The following SEC23A variants were observed in gnomAD, a reference collection of about 807,000 sequenced individuals.
SEC23A encodes protein transport protein Sec23A.
SEC23A carries 56 observed loss-of-function variants against 103.7 expected under a neutral mutation model. That is an observed-to-expected ratio of 0.54 (90% CI 0.44 to 0.67). SEC23A has a LOEUF of 0.67. Ranked by LOEUF, SEC23A falls within the 30% of genes least tolerant of loss-of-function variation. The pLI, the probability that SEC23A is intolerant of heterozygous loss-of-function variation, is 0.00. For missense variants in SEC23A, 784 were observed against 936.4 expected, an observed-to-expected ratio of 0.84 and a Z score of 2.12; for synonymous variants, 281 against 293.0, an observed-to-expected ratio of 0.96 and a Z score of 0.42.
chr14:39,069,256 T>C (rs1266253879), intron 9 of SEC23A, among the ~76,000 whole-genome samples: 1 of 152,160 alleles, frequency 6.6e-6, no homozygotes. Flanking sequence ...AAATGACAAA[T>C]GAATTCAGCG....
chr14:39,035,870 C>G (rs2139177510), intron 19 of SEC23A, among the ~76,000 whole-genome samples: 1 of 152,262 alleles, frequency 6.6e-6, no homozygotes, highest in South Asian at 2.1e-4. Flanking sequence ...GGATATTACA[C>G]AAATTCAATC....
intron 12 of SEC23A, among the ~76,000 whole-genome samples, chr14:39,063,080 TA>T (rs1886533521): frequency 6.6e-6 from 1 of 152,172 alleles, no homozygotes; most frequent in African/African-American, 2.4e-5. Context: ...GAAAACAGAC[TA>T]AAAGTTGGGC....
intron 8 of SEC23A, 44 bp from the exon 9 acceptor site, chr14:39,074,574 T>G: frequency 8.0e-7 from 1 of 1,248,522 alleles, no homozygotes; most frequent in Non-Finnish European, 1.2e-6. Context: ...AAAATTGTCC[T>G]ATAAATCTTT....
intron 7 of SEC23A, among the ~76,000 whole-genome samples, chr14:39,084,262 G>C (rs1179187192): frequency 6.6e-6 from 1 of 150,680 alleles, no homozygotes; most frequent in Admixed American, 6.6e-5. Flanking sequence ...TCCTGACCTC[G>C]TGATCCACCC....
chr14:39,048,093 T>C (rs1248287496), intron 15 of SEC23A, among the ~76,000 whole-genome samples: 2 of 152,188 alleles, frequency 1.3e-5, no homozygotes, highest in Non-Finnish European at 2.9e-5. Flanking sequence ...CAGCCTTACA[T>C]GTAATTCTAC....
At chr14:39,059,278 TAAAAA>T (rs750853379) in intron 13 of SEC23A, among the ~76,000 whole-genome samples, 141 of 71,794 alleles carry the variant, frequency 2.0e-3, no homozygotes, top group Admixed American at 0.011. Flanking sequence ...AGTCCTAGTT[TAAAAA>T]AAAAAAAAAA....
chr14:39,040,410 A>C (rs1462984435), intron 18 of SEC23A: 1 of 262,612 alleles, frequency 3.8e-6, no homozygotes, highest in African/African-American at 2.2e-5. Context: ...CTTTAAGAAA[A>C]GTATATTACT....
At chr14:39,077,556 G>A (rs1296894729) in intron 7 of SEC23A, among the ~76,000 whole-genome samples, 1 of 150,982 alleles carries the variant, frequency 6.6e-6, no homozygotes, top group East Asian at 2.0e-4. Flanking sequence ...AAGAAAGAAA[G>A]AGAAAGAGAG....
chr14:39,039,106 AAAG>A lies in SEC23A; in HGVS notation c.2143-13_2143-11del. On this transcript the variant is annotated splice_polypyrimidine_tract_variant and intron_variant, in intron 18 of 19. Transcript: ENST00000307712. ...AAAGGAGGAAACGGGCCTTAAAAGC[AAAG>A]AAGAAATAACATTATCCATCAAAAA... is the stretch of plus-strand genomic sequence containing the variant. 1.2e-6 allele frequency: 2 copies of A among 1,611,134 alleles called. No individual in the cohort carries two copies. Among genetic ancestry groups the A allele is most frequent in the Non-Finnish European group, 1.7e-6 (2 of 1,177,426 alleles).
At chr14:39,085,009 T>G (rs1887380862) in intron 7 of SEC23A, among the ~76,000 whole-genome samples, 1 of 152,116 alleles carries the variant, frequency 6.6e-6, no homozygotes, top group Non-Finnish European at 1.5e-5. Flanking sequence ...CTAGATAGCT[T>G]CAAGATGGGG....
At chr14:39,040,912 T>A (rs1194738835) in intron 17 of SEC23A, 25 bp from the exon 18 acceptor site, 3 of 1,583,428 alleles carry the variant, frequency 1.9e-6, no homozygotes, top group Non-Finnish European at 2.6e-6. Flanking sequence ...ATTAAAGAAA[T>A]TACTTTAAAT....
At chr14:39,034,709 T>A (rs980831678) in intron 19 of SEC23A, among the ~76,000 whole-genome samples, 2 of 152,212 alleles carry the variant, frequency 1.3e-5, no homozygotes, top group Non-Finnish European at 2.9e-5. Context: ...TAAATACCAA[T>A]GCTCATTCGA....
At chr14:39,094,647 A>C (rs935196245) in intron 2 of SEC23A, among the ~76,000 whole-genome samples, 1 of 151,954 alleles carries the variant, frequency 6.6e-6, no homozygotes, top group Admixed American at 6.6e-5. Flanking sequence ...GCTTTAAAAA[A>C]CAGCCTTCTT....
chr14:39,095,571 A>G (rs190818513), intron 2 of SEC23A, among the ~76,000 whole-genome samples: 2 of 152,176 alleles, frequency 1.3e-5, no homozygotes, highest in African/African-American at 4.8e-5. Context: ...TGCTGGGATT[A>G]CAGGCATGAG....
At chr14:39,092,900 G>A in intron 3 of SEC23A, 1 of 493,622 alleles carries the variant, frequency 2.0e-6, no homozygotes, top group South Asian at 2.3e-5. Flanking sequence ...GTCTTGCTCT[G>A]TTGCCCAGGC....
At chr14:39,054,125 A>C (rs1049252465) in intron 14 of SEC23A, among the ~76,000 whole-genome samples, 1 of 151,246 alleles carries the variant, frequency 6.6e-6, no homozygotes, top group Non-Finnish European at 1.5e-5. Flanking sequence ...AAAATTTTAA[A>C]TTTGCCAGGT....
chr14:39,047,890 C>G (rs1239012091), intron 15 of SEC23A, among the ~76,000 whole-genome samples: 1 of 152,200 alleles, frequency 6.6e-6, no homozygotes, highest in Non-Finnish European at 1.5e-5. Context: ...ATAGATTCCA[C>G]TGCTCCAGGT....
chr14:39,039,173 A>G (rs903086683), intron 18 of SEC23A, 77 bp from the exon 19 acceptor site: 9 of 1,185,430 alleles, frequency 7.6e-6, no homozygotes, highest in Middle Eastern at 2.2e-4. Context: ...TATATCATGC[A>G]AAATCAATTT....
chr14:39,093,497 C>T (rs184801021), intron 2 of SEC23A, among the ~76,000 whole-genome samples: 30 of 152,232 alleles, frequency 2.0e-4, no homozygotes, highest in Middle Eastern at 3.4e-3. Context: ...CAGTAGGTCA[C>T]GCCTGTAATC....
Sources: allele counts gnomAD v4.1 joint callset (sites outside exome capture counted in the v4.1 genomes callset), GRCh38; gene constraint gnomAD v4.1.1; transcripts MANE v1.5; gene names NCBI Gene and HGNC (gene_info 2026-07-23, HGNC 2026-07-21).